SYT1: variants seen among roughly 807,000 people sequenced by gnomAD.
SYT1 encodes synaptotagmin 1.
SYT1 carries 8 observed loss-of-function variants against 44.8 expected under a neutral mutation model. That is an observed-to-expected ratio of 0.18 (90% CI 0.10 to 0.32). SYT1 has a LOEUF of 0.32. SYT1 is among the 10% of genes least tolerant of loss of function. The probability of loss-of-function intolerance (pLI) is 1.00; values close to 1 mark genes in which losing one functional copy is unlikely to be tolerated. For missense variants in SYT1, 286 were observed against 509.3 expected (o/e 0.56, Z 4.22); for synonymous variants, 154 against 188.8 (o/e 0.82, Z 1.51).
chr12:78,935,537 T>G (rs1224832977), intron 1 of SYT1, among the ~76,000 whole-genome samples: 1 of 152,152 alleles, frequency 6.6e-6, no homozygotes, highest in Non-Finnish European at 1.5e-5. Flanking sequence ...AGAATGGATA[T>G]GAATAATTTT....
intron 1 of SYT1, among the ~76,000 whole-genome samples, chr12:78,934,934 G>A (rs1267636986): frequency 1.3e-5 from 2 of 152,146 alleles, no homozygotes; most frequent in African/African-American, 4.8e-5. Context: ...ATTACATGTT[G>A]GTAACTGAGG....
At chr12:78,997,249 T>G (rs984098294) in intron 2 of SYT1, among the ~76,000 whole-genome samples, 1 of 152,192 alleles carries the variant, frequency 6.6e-6, no homozygotes, top group Admixed American at 6.5e-5. Flanking sequence ...CCCGTGGGAA[T>G]CATTGCTATA....
At chr12:79,352,570 T>G (rs1387856020) in intron 8 of SYT1, among the ~76,000 whole-genome samples, 1 of 152,202 alleles carries the variant, frequency 6.6e-6, no homozygotes, top group Non-Finnish European at 1.5e-5. Flanking sequence ...GCACTCTCTC[T>G]ATCTCTATCT....
intron 9 of SYT1, among the ~76,000 whole-genome samples, chr12:79,411,852 T>C (rs1228778394): frequency 6.6e-6 from 1 of 152,168 alleles, no homozygotes; most frequent in East Asian, 1.9e-4. Flanking sequence ...CCTCTTTTTT[T>C]TTTAGCAATG....
chr12:78,925,839 A>G (rs1311720034), intron 1 of SYT1, among the ~76,000 whole-genome samples: 1 of 151,808 alleles, frequency 6.6e-6, no homozygotes, highest in East Asian at 1.9e-4. Flanking sequence ...TGTGAACAAA[A>G]CTCTTCTAAA....
chr12:78,947,942 A>C (rs1348397600), intron 1 of SYT1, among the ~76,000 whole-genome samples: 4 of 151,956 alleles, frequency 2.6e-5, no homozygotes, highest in African/African-American at 9.7e-5. Flanking sequence ...TTCATAGCCC[A>C]CTAACATTCT....
At chr12:79,013,616 A>G (rs1012254101) in intron 2 of SYT1, among the ~76,000 whole-genome samples, 19 of 152,264 alleles carry the variant, frequency 1.2e-4, no homozygotes, top group South Asian at 6.2e-4. Context: ...TTTTTCCTCT[A>G]TAACACCTAG....
intron 1 of SYT1, among the ~76,000 whole-genome samples, chr12:78,970,327 A>G (rs1868344839): frequency 6.6e-6 from 1 of 152,236 alleles, no homozygotes; most frequent in Non-Finnish European, 1.5e-5. Context: ...AGAAATAAAG[A>G]AAGCAAGGTT....
Position 79,327,127 on chromosome 12 carries a change from C to T in SYT1, c.811-26375C>T, listed in dbSNP as rs143861537. On this transcript the variant is annotated intron_variant, in intron 8 of 10. Transcript: ENST00000261205. ...CATATGTTAAACTTGACAATTTAGG[C>T]AACATCCCATAGTAATGAGCCTCTA... is the stretch of plus-strand genomic sequence containing the variant. 3.7e-4 allele frequency among the ~76,000 whole-genome samples: 56 copies of T among 151,834 alleles called. 1 individual carries two copies. The East Asian group carries it at 9.8e-3, about 27-fold the overall frequency.
intron 8 of SYT1, among the ~76,000 whole-genome samples, chr12:79,329,020 C>T (rs1045725652): frequency 1.3e-5 from 2 of 152,112 alleles, no homozygotes; most frequent in Non-Finnish European, 2.9e-5. Flanking sequence ...TCCATTTCAA[C>T]ACATCCCAGT....
chr12:78,968,763 G>C (rs1201807532), intron 1 of SYT1, among the ~76,000 whole-genome samples: 1 of 152,112 alleles, frequency 6.6e-6, no homozygotes, highest in Non-Finnish European at 1.5e-5. Flanking sequence ...GTAGGGTTCA[G>C]TAATATTTTA....
At chr12:79,070,589 CTCT>C (rs1876201220) in intron 3 of SYT1, among the ~76,000 whole-genome samples, 1 of 151,914 alleles carries the variant, frequency 6.6e-6, no homozygotes, top group Non-Finnish European at 1.5e-5. Flanking sequence ...AGGCGTTTTT[CTCT>C]TCTTTTTTTT....
intron 3 of SYT1, among the ~76,000 whole-genome samples, chr12:79,099,776 T>C (rs1470654582): frequency 6.6e-6 from 1 of 152,150 alleles, no homozygotes; most frequent in Non-Finnish European, 1.5e-5. Flanking sequence ...TAATTCCTAA[T>C]TATGACAGTG....
At chr12:79,046,632 C>A (rs1233102227) in intron 2 of SYT1, among the ~76,000 whole-genome samples, 3 of 151,950 alleles carry the variant, frequency 2.0e-5, no homozygotes, top group Non-Finnish European at 4.4e-5. Context: ...GACGTGCAAT[C>A]ATTTTTCTCT....
intron 3 of SYT1, among the ~76,000 whole-genome samples, chr12:79,095,528 G>C (rs1297813238): frequency 6.6e-6 from 1 of 151,742 alleles, no homozygotes; most frequent in Non-Finnish European, 1.5e-5. Flanking sequence ...TATTACAAAA[G>C]TGATTCAAAT....
intron 3 of SYT1, among the ~76,000 whole-genome samples, chr12:79,091,222 G>C (rs1877753387): frequency 6.6e-6 from 1 of 151,912 alleles, no homozygotes; most frequent in African/African-American, 2.4e-5. Flanking sequence ...ATTGATAACT[G>C]TGGAAAATTT....
At chr12:78,920,871 G>A (rs1386111875) in intron 1 of SYT1, among the ~76,000 whole-genome samples, 4 of 151,864 alleles carry the variant, frequency 2.6e-5, no homozygotes, top group African/African-American at 9.7e-5. Context: ...CAGATTAGCA[G>A]GTTTGTTCAA....
rs186953424 is a variant in SYT1, at chr12:78,947,745, G to A, written c.-216-30054G>A. Among the ~76,000 whole-genome samples the A allele has an allele frequency of 2.0e-5, 3 of 150,854 alleles. No homozygotes were observed. The East Asian group carries it at 5.8e-4, about 29-fold the overall frequency. On this transcript the variant is annotated intron_variant, in intron 1 of 10. Coordinates refer to ENST00000261205, the MANE Select transcript of SYT1 (RefSeq NM_005639.3). Reference sequence around the variant, plus strand: ...TTGTTATTCTTTATATAACTATTTAGGTTATTTTAATTGGTTTAAAAAAGC... The same window carrying A: ...TTGTTATTCTTTATATAACTATTTAAGTTATTTTAATTGGTTTAAAAAAGC...
At chr12:78,928,876 T>C (rs937913685) in intron 1 of SYT1, among the ~76,000 whole-genome samples, 1 of 152,082 alleles carries the variant, frequency 6.6e-6, no homozygotes, top group African/African-American at 2.4e-5. Context: ...AACCAAACCT[T>C]GAACAAGAGG....
Sources: allele counts gnomAD v4.1 joint callset (sites outside exome capture counted in the v4.1 genomes callset), GRCh38; gene constraint gnomAD v4.1.1; transcripts MANE v1.5; gene names NCBI Gene and HGNC (gene_info 2026-07-23, HGNC 2026-07-21).